Variants in KNTC1 observed in about 807,000 individuals in gnomAD.
KNTC1 encodes kinetochore associated 1.
In KNTC1, 253 loss-of-function variants were observed where a neutral mutation model predicts 314.4. That is an observed-to-expected ratio of 0.80 (90% CI 0.73 to 0.89). The LOEUF is 0.89. KNTC1 is among the 40% of genes least tolerant of loss of function. The pLI, the probability that KNTC1 is intolerant of heterozygous loss-of-function variation, is 0.00. For synonymous variants in KNTC1, 901 were observed against 901.4 expected, an observed-to-expected ratio of 1.00 and a Z score of 0.01; for missense variants, 2,475 against 2,572.9, an observed-to-expected ratio of 0.96 and a Z score of 0.82.
chr12:122,544,054 A>T, intron 7 of KNTC1, 105 bp from the exon 8 acceptor site: 1 of 491,852 alleles, frequency 2.0e-6, no homozygotes, highest in Non-Finnish European at 3.4e-6. Context: ...TGTCTCCAAA[A>T]AAAAAAAAAA....
intron 35 of KNTC1, 58 bp downstream of exon 35, chr12:122,584,508 T>C: frequency 7.6e-7 from 1 of 1,310,276 alleles, no homozygotes. Flanking sequence ...CATACTTGTC[T>C]CCCAAATGCT....
chr12:122,547,367 C>A, intron 10 of KNTC1, 48 bp from the exon 11 acceptor site: 1 of 1,231,014 alleles, frequency 8.1e-7, no homozygotes, highest in Non-Finnish European at 1.2e-6. Flanking sequence ...AAGAGCAAAA[C>A]TCTGTCTCAA....
At chr12:122,582,562 T>A in intron 33 of KNTC1, 143 bp from the exon 34 acceptor site, 1 of 701,244 alleles carries the variant, frequency 1.4e-6, no homozygotes. Context: ...CATCACACAA[T>A]ATACCCAGGT....
chr12:122,566,767 T>TG (rs1964373781), intron 20 of KNTC1, among the ~76,000 whole-genome samples: 1 of 144,166 alleles, frequency 6.9e-6, no homozygotes, highest in East Asian at 2.0e-4. Flanking sequence ...GGTTTTTTTT[T>TG]TTTTTTTTTT....
At position 122,601,624 on chromosome 12, in the gene KNTC1, A is replaced by C. The variant is rs1243648979; in HGVS notation, c.4652A>C (p.Gln1551Pro). The change falls in exon 45 of 64, where the codon CAG becomes CCG. Residue 1551 changes from glutamine to proline, a missense_variant and splice_region_variant. Transcript: ENST00000333479. ...DEKITNININ[Q>P]ALSILKHLKS... Reference sequence around the variant, plus strand: ...AAGATAACCAATATTAATATTAATCAGGTATAACAAATATATCAAAGATGT... The same window carrying C: ...AAGATAACCAATATTAATATTAATCCGGTATAACAAATATATCAAAGATGT... The C allele has an allele frequency of 6.7e-7, 1 of 1,494,156 alleles. No homozygotes were observed. The highest frequency in any genetic ancestry group is 1.4e-5 in the African/African-American group (1 of 69,870). The allele number at this position is 1,494,156 out of a possible 1,614,324, so 92.6% of individuals were successfully genotyped here. A position where few individuals can be genotyped will look rare whatever the true frequency, so the allele number is the denominator to read the frequency against.
intron 51 of KNTC1, among the ~76,000 whole-genome samples, chr12:122,605,734 C>T (rs542225646): frequency 3.3e-5 from 5 of 151,488 alleles, no homozygotes; most frequent in Non-Finnish European, 5.9e-5. Context: ...TTGGTAGAGA[C>T]GGGGTTTCAC....
At chr12:122,566,761 T>TG (rs1469109278) in intron 20 of KNTC1, among the ~76,000 whole-genome samples, 2 of 140,552 alleles carry the variant, frequency 1.4e-5, no homozygotes, top group African/African-American at 5.3e-5. Context: ...CAGGCTGGTT[T>TG]TTTTTTTTTT....
At chr12:122,535,934 C>T (rs1961779912) in intron 3 of KNTC1, among the ~76,000 whole-genome samples, 2 of 148,104 alleles carry the variant, frequency 1.4e-5, no homozygotes, top group Admixed American at 6.7e-5. Context: ...CGCTCTGTCA[C>T]CCAGGCTGTA....
chr12:122,530,746 C>T (rs953178154), intron 2 of KNTC1, among the ~76,000 whole-genome samples: 7 of 152,020 alleles, frequency 4.6e-5, no homozygotes, highest in Admixed American at 2.0e-4. Context: ...CCATCACTCC[C>T]GGCATACAAA....
intron 37 of KNTC1, among the ~76,000 whole-genome samples, 171 bp from the exon 38 acceptor site, chr12:122,586,530 C>T (rs1288874259): frequency 6.6e-6 from 1 of 152,138 alleles, no homozygotes; most frequent in Non-Finnish European, 1.5e-5. Context: ...AATATTTACA[C>T]ATCTGTGAGA....
rs772164704 is a variant in KNTC1, at chr12:122,543,670, A to G, written c.558+36A>G. On this transcript the variant is annotated intron_variant, in intron 7 of 63. Transcript: ENST00000333479. Reference sequence around the variant, plus strand: ...AAATCCATATTGTCCTCTTAAAAAAATTACATTTAATATTAATGTAGTAGA... The same window carrying G: ...AAATCCATATTGTCCTCTTAAAAAAGTTACATTTAATATTAATGTAGTAGA... 3.9e-6 allele frequency: 5 copies of G among 1,269,496 alleles called. No individual in the cohort carries two copies. The Admixed American group carries it at 1.2e-4, about 30-fold the overall frequency. The allele number at this position is 1,269,496 out of a possible 1,614,324, so 78.6% of individuals were successfully genotyped here. A position where few individuals can be genotyped will look rare whatever the true frequency, so the allele number is the denominator to read the frequency against.
chr12:122,610,798 CTG>C, intron 52 of KNTC1, 22 bp from the exon 53 acceptor site: 2 of 1,474,688 alleles, frequency 1.4e-6, no homozygotes, highest in Non-Finnish European at 1.9e-6. Flanking sequence ...TAAAAAATGA[CTG>C]TAATTAAAAT....
At chr12:122,610,740 C>T (rs1413117220) in intron 52 of KNTC1, 82 bp from the exon 53 acceptor site, 4 of 879,274 alleles carry the variant, frequency 4.5e-6, no homozygotes, top group African/African-American at 1.6e-5. Context: ...AATGACCGTT[C>T]CATGGATAGA....
intron 2 of KNTC1, among the ~76,000 whole-genome samples, chr12:122,533,736 G>T (rs1171203670): frequency 1.3e-5 from 2 of 152,064 alleles, no homozygotes; most frequent in African/African-American, 4.8e-5. Context: ...GGATCAGAAT[G>T]TTGGGGAATT....
At chr12:122,606,222 CTTTT>C (rs34344479) in intron 51 of KNTC1, among the ~76,000 whole-genome samples, 5,628 of 109,612 alleles carry the variant, frequency 0.051, 281 homozygotes, top group African/African-American at 0.18. Flanking sequence ...AGATTGTTTA[CTTTT>C]TTTTTTTTTT....
At chr12:122,597,664 T>C (rs1272269777) in intron 43 of KNTC1, 67 bp from the exon 44 acceptor site, 2 of 1,321,630 alleles carry the variant, frequency 1.5e-6, no homozygotes, top group Non-Finnish European at 2.2e-6. Flanking sequence ...CCAAGTGTTT[T>C]GTCAGATACT....
At chr12:122,552,683 G>T (rs1045158475) in intron 16 of KNTC1, among the ~76,000 whole-genome samples, 1 of 152,134 alleles carries the variant, frequency 6.6e-6, no homozygotes, top group African/African-American at 2.4e-5. Context: ...ATTTGATTTT[G>T]CAGGTGATAG....
intron 13 of KNTC1, 84 bp downstream of exon 13, chr12:122,549,948 A>G: frequency 2.7e-6 from 2 of 739,664 alleles, no homozygotes; most frequent in South Asian, 1.7e-5. Context: ...AAAAGCCTTA[A>G]TAATTAAGCT....
At chr12:122,590,159 G>A (rs1014133308) in intron 40 of KNTC1, among the ~76,000 whole-genome samples, 5 of 151,946 alleles carry the variant, frequency 3.3e-5, no homozygotes, top group African/African-American at 1.2e-4. Context: ...TTGGTATACC[G>A]TTTACTGTTT....
Sources: gnomAD v4.1 joint callset for allele counts (sites outside exome capture counted in the v4.1 genomes callset) on GRCh38, gnomAD v4.1.1 for gene constraint, MANE v1.5 for transcripts, NCBI Gene and HGNC (gene_info 2026-07-23, HGNC 2026-07-21) for gene names.